The following UBE3D variants were observed in gnomAD, a reference collection of about 807,000 sequenced individuals.
UBE3D encodes the protein ubiquitin protein ligase E3D.
In UBE3D, 48 loss-of-function variants were observed where a neutral mutation model predicts 49.6. The ratio of observed to expected loss-of-function variants is 0.97; its 90% CI spans 0.77 to 1.23. UBE3D has a LOEUF of 1.23. UBE3D is among the 50% of genes most tolerant of loss of function. The probability of loss-of-function intolerance (pLI) is 0.00; values close to 1 mark genes in which losing one functional copy is unlikely to be tolerated. For missense variants in UBE3D, 452 were observed against 468.4 expected, an observed-to-expected ratio of 0.96 and a Z score of 0.32; for synonymous variants, 189 against 174.2, an observed-to-expected ratio of 1.08 and a Z score of -0.67.
At chr6:82,949,381 T>C (rs1223868681) in intron 9 of UBE3D, among the ~76,000 whole-genome samples, 1 of 151,726 alleles carries the variant, frequency 6.6e-6, no homozygotes, top group Non-Finnish European at 1.5e-5. Flanking sequence ...CACAAAAAAA[T>C]GGAAAGATAT....
chr6:82,895,636 C>T (rs972098607), intron 9 of UBE3D, among the ~76,000 whole-genome samples: 2 of 152,180 alleles, frequency 1.3e-5, no homozygotes, highest in African/African-American at 4.8e-5. Flanking sequence ...TCATCCACAG[C>T]ACAGTCCTAT....
At chr6:83,007,492 G>C (rs1352694246) in intron 8 of UBE3D, among the ~76,000 whole-genome samples, 1 of 152,016 alleles carries the variant, frequency 6.6e-6, no homozygotes, top group Non-Finnish European at 1.5e-5. Context: ...ACAAAAACAA[G>C]GAGCTTGATA....
At chr6:82,934,641 C>T (rs1383485995) in intron 9 of UBE3D, among the ~76,000 whole-genome samples, 1 of 151,792 alleles carries the variant, frequency 6.6e-6, no homozygotes, top group African/African-American at 2.4e-5. Flanking sequence ...TTCCAAAACA[C>T]ATGAAGACAT....
intron 9 of UBE3D, among the ~76,000 whole-genome samples, chr6:82,900,403 G>C (rs1484593262): frequency 6.6e-6 from 1 of 152,100 alleles, no homozygotes; most frequent in African/African-American, 2.4e-5. Flanking sequence ...CAGTACAACT[G>C]GAAATCCTAG....
At chr6:83,008,922 A>C (rs1354028956) in intron 8 of UBE3D, among the ~76,000 whole-genome samples, 1 of 152,240 alleles carries the variant, frequency 6.6e-6, no homozygotes, top group Non-Finnish European at 1.5e-5. Context: ...GCAACAGGCA[A>C]ACTAAAGTAA....
chr6:83,062,335 G>A (rs773626112), intron 1 of UBE3D, among the ~76,000 whole-genome samples: 4 of 152,088 alleles, frequency 2.6e-5, no homozygotes, highest in Non-Finnish European at 4.4e-5. Flanking sequence ...TGTAAACTTT[G>A]GAAGCCAGAC....
At chr6:82,959,338 T>C (rs1776383087) in intron 8 of UBE3D, among the ~76,000 whole-genome samples, 1 of 151,592 alleles carries the variant, frequency 6.6e-6, no homozygotes, top group Non-Finnish European at 1.5e-5. Context: ...TGAGGCTCTT[T>C]GCTGATCCGC....
chr6:82,898,905 T>G (rs902825950), intron 9 of UBE3D, among the ~76,000 whole-genome samples: 1 of 152,136 alleles, frequency 6.6e-6, no homozygotes, highest in Non-Finnish European at 1.5e-5. Context: ...AATTATCTCC[T>G]ATGTGACACT....
At chr6:82,882,959 G>C in the UBE3D span, among the ~76,000 whole-genome samples, 5 of 152,096 alleles carry the variant, frequency 3.3e-5, no homozygotes, top group African/African-American at 1.2e-4. Flanking sequence ...TTCTGTGTCT[G>C]TCATCTTTGG....
intron 3 of UBE3D, among the ~76,000 whole-genome samples, chr6:83,052,366 C>T (rs1052366137): frequency 5.3e-5 from 8 of 152,128 alleles, no homozygotes; most frequent in African/African-American, 1.4e-4. Context: ...ATCTGCACTC[C>T]GAGAGCCTAC....
chr6:82,885,056 G>A, the UBE3D span, among the ~76,000 whole-genome samples: 1 of 152,044 alleles, frequency 6.6e-6, no homozygotes, highest in Non-Finnish European at 1.5e-5. Context: ...AAAATGCTTA[G>A]AATGGGTTGT....
chr6:83,020,396 G>C (rs568550405), intron 7 of UBE3D, among the ~76,000 whole-genome samples: 46 of 146,760 alleles, frequency 3.1e-4, no homozygotes, highest in African/African-American at 1.1e-3. Flanking sequence ...CATATATATA[G>C]TTGTATATGG....
At chr6:82,952,921 A>G (rs565495580) in intron 9 of UBE3D, among the ~76,000 whole-genome samples, 2 of 152,348 alleles carry the variant, frequency 1.3e-5, no homozygotes, top group South Asian at 4.1e-4. Flanking sequence ...CCAGGATTCT[A>G]GGAAAAATAC....
chr6:82,999,750 C>T (rs1779492845), intron 8 of UBE3D, among the ~76,000 whole-genome samples: 1 of 152,048 alleles, frequency 6.6e-6, no homozygotes, highest in African/African-American at 2.4e-5. Flanking sequence ...GTCAGCTTCC[C>T]ATCCCCTTCC....
At chr6:82,882,889 C>T in the UBE3D span, among the ~76,000 whole-genome samples, 1 of 152,130 alleles carries the variant, frequency 6.6e-6, no homozygotes, top group Non-Finnish European at 1.5e-5. Flanking sequence ...TAAATCAAAG[C>T]TTCAAAAAGG....
intron 9 of UBE3D, among the ~76,000 whole-genome samples, chr6:82,941,349 T>TA (rs976250931): frequency 1.4e-5 from 2 of 145,468 alleles, no homozygotes; most frequent in Admixed American, 6.8e-5. Context: ...AAACATGACT[T>TA]AAAAAAAAAT....
chr6:82,983,470 CT>C (rs1778250825), intron 8 of UBE3D, among the ~76,000 whole-genome samples: 2 of 152,250 alleles, frequency 1.3e-5, no homozygotes, highest in South Asian at 4.1e-4. Flanking sequence ...ACAAAATAAT[CT>C]AGGCCCTAGG....
At chr6:83,025,278 T>A (rs374155315) in intron 5 of UBE3D, among the ~76,000 whole-genome samples, 2 of 152,154 alleles carry the variant, frequency 1.3e-5, no homozygotes, top group South Asian at 4.1e-4. Flanking sequence ...TCTATTGATA[T>A]ACAATTCTCA....
downstream of UBE3D, among the ~76,000 whole-genome samples, chr6:82,889,107 C>T (rs2127707899): frequency 6.6e-6 from 1 of 151,900 alleles, no homozygotes; most frequent in South Asian, 2.1e-4. Context: ...AAATAAGCAT[C>T]TAGTGGGACA....
Sources: gnomAD v4.1 joint callset for allele counts (sites outside exome capture counted in the v4.1 genomes callset) on GRCh38, gnomAD v4.1.1 for gene constraint, MANE v1.5 for transcripts, NCBI Gene and HGNC (gene_info 2026-07-23, HGNC 2026-07-21) for gene names.